The following NFIC variants were observed in gnomAD, a reference collection of about 807,000 sequenced individuals.
NFIC encodes nuclear factor I C.
In NFIC, 12 loss-of-function variants were observed where a neutral mutation model predicts 54.4. The ratio of observed to expected loss-of-function variants is 0.22; its 90% CI spans 0.14 to 0.36. The LOEUF (loss-of-function observed/expected upper bound fraction) is 0.36. NFIC is among the 10% of genes least tolerant of loss of function. The probability of loss-of-function intolerance (pLI) is 1.00; values close to 1 mark genes in which losing one functional copy is unlikely to be tolerated. For missense variants in NFIC, 575 were observed against 718.2 expected (o/e 0.80, Z 2.28); for synonymous variants, 322 against 319.2 (o/e 1.01, Z -0.09).
At chr19:3,367,675 C>T (rs1393052607) in intron 1 of NFIC, among the ~76,000 whole-genome samples, 1 of 152,238 alleles carries the variant, frequency 6.6e-6, no homozygotes, top group East Asian at 1.9e-4. Context: ...CCTCCTTACG[C>T]AGTGTGTCTT....
chr19:3,410,792 G>A (rs1204654299), intron 2 of NFIC: 1 of 152,288 alleles, frequency 6.6e-6, no homozygotes, highest in Non-Finnish European at 1.5e-5. Flanking sequence ...GGAAGGTAAG[G>A]CAGCGATTGG....
chr19:3,465,181 A>G lies in NFIC; in HGVS notation c.*2412A>G, dbSNP rs1402905314. On this transcript the variant is annotated 3_prime_UTR_variant, in exon 11 of 11. Coordinates refer to ENST00000443272, the MANE Select transcript of NFIC (RefSeq NM_001245002.2). Reference sequence around the variant, plus strand: ...AAAAAAAAAAAAAAAAAAAGATACAAGAAAAACCTTTAAAAAAATTCCATG... The same window carrying G: ...AAAAAAAAAAAAAAAAAAAGATACAGGAAAAACCTTTAAAAAAATTCCATG... 6.7e-6 allele frequency: 1 copy of G among 149,252 alleles called. No homozygotes were observed. Among genetic ancestry groups the G allele is most frequent in the Non-Finnish European group, 1.5e-5 (1 of 67,350 alleles). 9.2% of individuals were successfully genotyped at this position (149,252 alleles called of 1,614,324 possible).
chr19:3,441,895 C>A (rs893516375), intron 6 of NFIC, among the ~76,000 whole-genome samples: 2 of 152,228 alleles, frequency 1.3e-5, no homozygotes, highest in Non-Finnish European at 2.9e-5. Context: ...TCCCCCCACC[C>A]TTCCCTGCCC....
At chr19:3,398,146 C>G (rs2081495021) in intron 2 of NFIC, among the ~76,000 whole-genome samples, 1 of 152,144 alleles carries the variant, frequency 6.6e-6, no homozygotes, top group Non-Finnish European at 1.5e-5. Context: ...GCCGTGCAGA[C>G]TTGGCAATTC....
chr19:3,425,310 C>T, intron 3 of NFIC, 133 bp downstream of exon 3: 1 of 1,061,678 alleles, frequency 9.4e-7, no homozygotes, highest in Non-Finnish European at 1.3e-6. Context: ...GTTAAGGGGC[C>T]TGTCCAGGGG....
intron 2 of NFIC, among the ~76,000 whole-genome samples, chr19:3,391,377 G>A (rs2081374202): frequency 6.6e-6 from 1 of 152,216 alleles, no homozygotes; most frequent in African/African-American, 2.4e-5. Context: ...ATGGCCGGCT[G>A]TGGTGGCTTA....
At chr19:3,404,116 TC>T (rs1021088887) in intron 2 of NFIC, among the ~76,000 whole-genome samples, 1 of 145,936 alleles carries the variant, frequency 6.9e-6, no homozygotes, top group Non-Finnish European at 1.5e-5. Context: ...CTCCCAGGGC[TC>T]CCCCCGAGGC....
At chr19:3,382,501 G>A (rs2081228688) in intron 2 of NFIC, among the ~76,000 whole-genome samples, 1 of 152,020 alleles carries the variant, frequency 6.6e-6, no homozygotes, top group Non-Finnish European at 1.5e-5. Flanking sequence ...TAAAGTAGGT[G>A]ATATGGCACA....
At chr19:3,437,690 T>C (rs918552815) in intron 6 of NFIC, among the ~76,000 whole-genome samples, 2 of 150,830 alleles carry the variant, frequency 1.3e-5, no homozygotes, top group Non-Finnish European at 3.0e-5. Context: ...TTGTTTTTTG[T>C]TTTTTGTTTT....
intron 6 of NFIC, 132 bp from the exon 7 acceptor site, chr19:3,448,882 C>T (rs2082412109): frequency 1.4e-6 from 2 of 1,381,984 alleles, no homozygotes; most frequent in African/African-American, 2.9e-5. Context: ...CAGCCTCTCC[C>T]CCTCAGGATT....
rs3834984 is a variant in NFIC at position 3,370,480 on chromosome 19, C to CCTCTCT, written c.30+3831_30+3836dup. On this transcript the variant is annotated intron_variant, in intron 1 of 10. Transcript: ENST00000443272. The surrounding 1 kb of genome is among the most constrained non-coding windows in gnomAD (Gnocchi z 5.2). ...GGGATTCTGGCAGAGTCAGCGTTCTCCTCTCTCTCTCTCTCTCTCTCTGTC... is the reference window on the plus strand; with the variant it reads ...GGGATTCTGGCAGAGTCAGCGTTCTCCTCTCTCTCTCTCTCTCTCTCTCTCTCTGTC... 1.4e-4 allele frequency among the ~76,000 whole-genome samples: 20 copies of CCTCTCT among 146,856 alleles called. No individual in the cohort carries two copies. The highest frequency in any genetic ancestry group is 3.6e-4 in the African/African-American group (14 of 39,096).
chr19:3,464,460 G>A lies in NFIC; in HGVS notation c.*1691G>A. On this transcript the variant is annotated 3_prime_UTR_variant, in exon 11 of 11. Coordinates refer to ENST00000443272, the MANE Select transcript of NFIC (RefSeq NM_001245002.2). ...CCACCCCAGGATCGCCATCTTTAGG[G>A]GAGGCCTGGGAGGGGGTGTTAGGTG... The A allele has an allele frequency of 2.0e-6, 2 of 984,258 alleles. No individual in the cohort carries two copies. Among genetic ancestry groups the A allele is most frequent in the African/African-American group, 1.8e-5 (1 of 56,960 alleles). The allele number at this position is 984,258 out of a possible 1,614,324, so 61.0% of individuals were successfully genotyped here.
At chr19:3,445,242 C>T (rs1044119283) in intron 6 of NFIC, among the ~76,000 whole-genome samples, 8 of 152,212 alleles carry the variant, frequency 5.3e-5, no homozygotes, top group African/African-American at 1.7e-4. Flanking sequence ...TGCACACACA[C>T]GTGCCGACAA....
intron 2 of NFIC, among the ~76,000 whole-genome samples, chr19:3,424,189 G>A (rs1033367519): frequency 6.6e-5 from 10 of 151,740 alleles, no homozygotes; most frequent in Admixed American, 1.3e-4. Flanking sequence ...CACCATGCCC[G>A]GCTAATTTTT....
intron 2 of NFIC, among the ~76,000 whole-genome samples, chr19:3,405,037 C>T (rs1261602395): frequency 1.3e-5 from 2 of 152,114 alleles, no homozygotes; most frequent in Non-Finnish European, 2.9e-5. Flanking sequence ...CACCAGCGCC[C>T]GGGAGGGCCC....
chr19:3,400,045 A>G (rs1313633396), intron 2 of NFIC, among the ~76,000 whole-genome samples: 1 of 152,166 alleles, frequency 6.6e-6, no homozygotes, highest in Non-Finnish European at 1.5e-5. Context: ...AAAAGAGTTT[A>G]GGACAGCACG....
At chr19:3,410,833 C>T (rs973996183) in intron 2 of NFIC, 4 of 152,234 alleles carry the variant, frequency 2.6e-5, no homozygotes, top group Non-Finnish European at 4.4e-5. Context: ...AGCGGAGAGC[C>T]GCTGGAGGTT....
chr19:3,373,637 A>AC (rs2081060314), intron 1 of NFIC, among the ~76,000 whole-genome samples: 1 of 109,224 alleles, frequency 9.2e-6, no homozygotes, highest in African/African-American at 3.6e-5. Flanking sequence ...CAAGCTAAAA[A>AC]ACACCCCCCA....
chr19:3,399,544 C>A (rs976914459), intron 2 of NFIC, among the ~76,000 whole-genome samples: 18 of 151,904 alleles, frequency 1.2e-4, no homozygotes, highest in Admixed American at 1.2e-3. Flanking sequence ...CCACTGCACT[C>A]CAGCCTGGGT....
Sources: allele counts gnomAD v4.1 joint callset (sites outside exome capture counted in the v4.1 genomes callset), GRCh38; gene constraint gnomAD v4.1.1; non-coding constraint Gnocchi (gnomAD v3.1); transcripts MANE v1.5; gene names NCBI Gene and HGNC (gene_info 2026-07-23, HGNC 2026-07-21).